The following MEGF6 variants were observed in gnomAD, a reference collection of about 807,000 sequenced individuals.
MEGF6 encodes multiple epidermal growth factor-like domains protein 6.
In MEGF6, 184 loss-of-function variants were observed where a neutral mutation model predicts 207.1. The ratio of observed to expected loss-of-function variants is 0.89; its 90% CI spans 0.79 to 1.00. MEGF6 has a LOEUF of 1.00. MEGF6 is among the 50% of genes least tolerant of loss of function. The pLI is 0.00. For synonymous variants in MEGF6, 1,038 were observed against 910.0 expected, an observed-to-expected ratio of 1.14 and a Z score of -2.53; for missense variants, 2,282 against 2,202.9, an observed-to-expected ratio of 1.04 and a Z score of -0.72.
In MEGF6 at chr1:3,595,340, G is replaced by T; in HGVS notation, c.374C>A (p.Ser125Ter). ...GGGGAGGCGCAGGCGGCACTCACCC[G>T]AGAGGCAGCCCTCCTCGTCGGGCTG... ...MQQPDEEGCLSAECSASLCFH... is the reference protein window; with the variant it reads ...MQQPDEEGCL The change falls in exon 3 of 37, where the codon TCG becomes TAG. Residue 125 changes from serine (S) to a stop codon, truncating the protein, a stop_gained and splice_region_variant. Transcript: ENST00000356575. LOFTEE classifies it high-confidence loss of function. The T allele has an allele frequency of 6.2e-7, 1 of 1,610,824 alleles. No homozygotes were observed. The highest frequency in any genetic ancestry group is 8.5e-7 in the Non-Finnish European group (1 of 1,178,434).
At position 3,512,033 on chromosome 1, in the gene MEGF6, G is replaced by A. The variant is rs754085538; in HGVS notation, c.949C>T (p.Leu317=). The A allele has an allele frequency of 1.9e-6, 3 of 1,612,720 alleles. No individual in the cohort carries two copies. Among genetic ancestry groups the A allele is most frequent in the South Asian group, 2.2e-5 (2 of 91,066 alleles). Residue 317 remains leucine (L), a synonymous_variant, in exon 8 of 37, where the codon CTG becomes TTG. Transcript: ENST00000356575. ...TAGCACTGCCGGCCATCGGCGCCCA[G>A]CTCATAGCCCGCGTGACACACGCAC... The part of the protein sequence containing the change: ...FKCVCHAGYE[L]GADGRQCYRI...
In MEGF6 at chr1:3,509,874, G is replaced by A. The variant is rs1249386232; in HGVS notation, c.1353C>T (p.Cys451=). 2.6e-6 allele frequency: 4 copies of A among 1,553,898 alleles called. No homozygotes were observed. Among genetic ancestry groups the A allele is most frequent in the Non-Finnish European group, 8.7e-7 (1 of 1,150,904 alleles). ...CGCGGAGGGCGGGAGACTCACGGCT[G>A]CAGCCCCTACGGTCCTCGTGCAGCC... ...GYRLHEDRRG[C]SPLEEPMVDL... is the part of the protein sequence containing the mutation. Residue 451 remains cysteine (C), a synonymous_variant, in exon 11 of 37, where the codon TGC becomes TGT. Coordinates refer to ENST00000356575, the MANE Select transcript of MEGF6 (RefSeq NM_001409.4).
In MEGF6 at chr1:3,494,747, G is replaced by C. The variant is rs571173027; in HGVS notation, c.3872-6C>G. On this transcript the variant is annotated splice_polypyrimidine_tract_variant and splice_region_variant and intron_variant, in intron 30 of 36. Coordinates refer to ENST00000356575, the MANE Select transcript of MEGF6 (RefSeq NM_001409.4). ...AAACCGGTTCTGGGGGCAGCCTGGAGACAGAAGGCAGGTGCTGCCTGGAGC... is the reference window on the plus strand; with the variant it reads ...AAACCGGTTCTGGGGGCAGCCTGGACACAGAAGGCAGGTGCTGCCTGGAGC... The C allele has an allele frequency of 8.3e-6, 13 of 1,570,726 alleles. 1 individual carries two copies. In the South Asian group the frequency reaches 1.3e-4, roughly 16 times the overall value.
Position 3,499,918 on chromosome 1 carries a change from G to A in MEGF6, c.2714C>T (p.Pro905Leu), listed in dbSNP as rs1242850859. 2 of 1,562,068 alleles carry A rather than the reference G, an allele frequency of 1.3e-6. No individual in the cohort carries two copies. Among genetic ancestry groups the A allele is most frequent in the Non-Finnish European group, 1.7e-6 (2 of 1,154,370 alleles). Residue 905 changes from proline to leucine, a missense_variant, in exon 22 of 37, where the codon CCC becomes CTC. Pro to Leu is a moderately conservative substitution (Grantham distance 98). Transcript: ENST00000356575. ...YVGPRCEQQC[P>L]QGHFGPGCEQ... ...ACAGCCGGGCCCAAAGTGGCCCTGG[G>A]GACACTCTGAGATATGCAGCCCCGG...
chr1:3,524,366 C>T (rs1641881935), intron 4 of MEGF6, 120 bp from the exon 5 acceptor site: 9 of 1,290,322 alleles, frequency 7.0e-6, no homozygotes, highest in Non-Finnish European at 7.5e-6. Context: ...AGGGCACCAC[C>T]CATGAGCCCC....
chr1:3,495,823 C>A, intron 30 of MEGF6, 67 bp downstream of exon 30: 5 of 1,556,314 alleles, frequency 3.2e-6, no homozygotes, highest in Non-Finnish European at 4.3e-6. Context: ...CTCCAGTGTC[C>A]CCACGGCTAA....
At chr1:3,561,600 G>A (rs1643203699) in intron 4 of MEGF6, among the ~76,000 whole-genome samples, 1 of 152,272 alleles carries the variant, frequency 6.6e-6, no homozygotes, top group Admixed American at 6.5e-5. Flanking sequence ...GGGAGGCCCA[G>A]GAGCCAGGTC....
In MEGF6 at chr1:3,492,712, A is replaced by G. The variant is rs1172394628; in HGVS notation, c.4443T>C (p.Gly1481=). ...CACTGACAGGGTCGCAGTCAGCCCCACCCCCGCAGTCACAGTGCAGGGTGC... is the reference window on the plus strand; with the variant it reads ...CACTGACAGGGTCGCAGTCAGCCCCGCCCCCGCAGTCACAGTGCAGGGTGC... ...PSCTLHCDCG[G]GADCDPVSGQ... Residue 1481 remains glycine (G), a synonymous_variant, in exon 35 of 37, where the codon GGT becomes GGC. Coordinates refer to ENST00000356575, the MANE Select transcript of MEGF6 (RefSeq NM_001409.4). The G allele has an allele frequency of 6.2e-7, 1 of 1,612,036 alleles. No individual in the cohort carries two copies. The highest frequency in any genetic ancestry group is 1.3e-5 in the African/African-American group (1 of 74,746).
intron 4 of MEGF6, among the ~76,000 whole-genome samples, chr1:3,539,514 C>T (rs1438687016): frequency 2.6e-5 from 4 of 152,242 alleles, no homozygotes; most frequent in Admixed American, 6.5e-5. Context: ...ACAGGGGGAA[C>T]GTGACTTGGC....
intron 7 of MEGF6, among the ~76,000 whole-genome samples, chr1:3,513,577 C>CTTTTTT (rs757815891): frequency 5.3e-5 from 3 of 56,538 alleles, no homozygotes; most frequent in African/African-American, 2.2e-4. Flanking sequence ...CACACCTGGG[C>CTTTTTT]TTTTTTTTTT....
At chr1:3,493,474 G>A (rs900095484) in intron 34 of MEGF6, 3 of 484,334 alleles carry the variant, frequency 6.2e-6, no homozygotes, top group African/African-American at 3.9e-5. Flanking sequence ...ACAGCTGGCA[G>A]ATCAGGGAAG....
At chr1:3,600,488 A>C (rs1376933343) in intron 2 of MEGF6, among the ~76,000 whole-genome samples, 1 of 152,212 alleles carries the variant, frequency 6.6e-6, no homozygotes, top group African/African-American at 2.4e-5. Context: ...GCTCTGAAGG[A>C]GGACAGGCGG....
chr1:3,509,922 C>T lies in MEGF6; in HGVS notation c.1305G>A (p.Gln435=). The part of the protein sequence containing the change: ...HHCTNLAGSF[Q]CSCEAGYRLH... ...GCCGGTAGCCGGCCTCGCAGGAGCA[C>T]TGGAAGGAGCCGGCCAGGTTGGTGC... is the stretch of plus-strand genomic sequence containing the variant. The change falls in exon 11 of 37, where the codon CAG becomes CAA. Residue 435 remains glutamine (Q), a synonymous_variant. Coordinates refer to ENST00000356575, the MANE Select transcript of MEGF6 (RefSeq NM_001409.4). The T allele has an allele frequency of 6.4e-7, 1 of 1,571,040 alleles. No homozygotes were observed. The highest frequency in any genetic ancestry group is 8.6e-7 in the Non-Finnish European group (1 of 1,161,562).
rs889445415 is a variant in MEGF6 at position 3,573,767 on chromosome 1, G to A, written c.481+6058C>T. ...CTCCCAGGCCTGGCCGTGGCTGGTC[G>A]CCAAGAGCAGCCCTGGGTGGCGTCT... On this transcript the variant is annotated intron_variant, in intron 4 of 36. Transcript: ENST00000356575. The surrounding 1 kb of genome is among the most constrained non-coding windows in gnomAD (Gnocchi z 5.1). Among the ~76,000 whole-genome samples, 33 of 152,298 alleles carry A rather than the reference G, an allele frequency of 2.2e-4. No individual in the cohort carries two copies. Among genetic ancestry groups the A allele is most frequent in the African/African-American group, 6.3e-4 (26 of 41,578 alleles).
chr1:3,582,012 C>T (rs1436204872), intron 3 of MEGF6, among the ~76,000 whole-genome samples: 1 of 151,304 alleles, frequency 6.6e-6, no homozygotes, highest in East Asian at 2.0e-4. Flanking sequence ...CCAGCCAGAT[C>T]CAGCATCCCT....
chr1:3,516,611 C>T (rs576033202), intron 5 of MEGF6, among the ~76,000 whole-genome samples: 2 of 152,302 alleles, frequency 1.3e-5, no homozygotes, highest in African/African-American at 4.8e-5. Context: ...CTGGGGAACC[C>T]GTCTACTGTT....
intron 4 of MEGF6, chr1:3,547,142 G>A (rs1235283161): frequency 1.3e-5 from 2 of 152,870 alleles, no homozygotes; most frequent in Admixed American, 1.3e-4. Context: ...GGAGAAGCAG[G>A]TGAGGTGCCA....
chr1:3,622,671 G>A, the MEGF6 span, among the ~76,000 whole-genome samples: 1 of 152,196 alleles, frequency 6.6e-6, no homozygotes, highest in African/African-American at 2.4e-5. Flanking sequence ...CACCAAGCAG[G>A]CCTGGCAGAG....
At chr1:3,580,544 C>T (rs956435065) in intron 3 of MEGF6, among the ~76,000 whole-genome samples, 17 of 145,498 alleles carry the variant, frequency 1.2e-4, no homozygotes, top group African/African-American at 4.2e-4. Flanking sequence ...ACCTGAGAGG[C>T]AAGGCAGGGG....
Sources: gnomAD v4.1 joint callset for allele counts (sites outside exome capture counted in the v4.1 genomes callset) on GRCh38, gnomAD v4.1.1 for gene constraint, Gnocchi (gnomAD v3.1) non-coding constraint, MANE v1.5 for transcripts, NCBI Gene and HGNC (gene_info 2026-07-23, HGNC 2026-07-21) for gene names.